CCBE1: variants seen among roughly 807,000 people sequenced by gnomAD.
The protein encoded by CCBE1 is collagen and calcium binding EGF domains 1, also known as collagen and calcium-binding EGF domain-containing protein 1.
In CCBE1, 37 loss-of-function variants were observed where a neutral mutation model predicts 50.0. The ratio of observed to expected loss-of-function variants is 0.74; its 90% CI spans 0.57 to 0.97. The LOEUF (loss-of-function observed/expected upper bound fraction) is 0.97. Ranked by LOEUF, CCBE1 falls within the 50% of genes least tolerant of loss-of-function variation. CCBE1 has a pLI of 0.00. For synonymous variants in CCBE1, 234 were observed against 203.7 expected (o/e 1.15, Z -1.27); for missense variants, 538 against 523.8 (o/e 1.03, Z -0.26).
chr18:59,615,873 G>T (rs1268290206), intron 2 of CCBE1, among the ~76,000 whole-genome samples: 1 of 152,178 alleles, frequency 6.6e-6, no homozygotes, highest in Admixed American at 6.5e-5. Context: ...TTGAAAGTAA[G>T]CAAGCACTCA....
At chr18:59,550,921 C>T (rs1310780592) in intron 2 of CCBE1, among the ~76,000 whole-genome samples, 1 of 140,472 alleles carries the variant, frequency 7.1e-6, no homozygotes, top group Non-Finnish European at 1.5e-5. Flanking sequence ...AGGAGAATGG[C>T]ATGAACCCAG....
rs12606248 is a variant in CCBE1, at chr18:59,576,868, A to G, written c.213-96630T>C. Among the ~76,000 whole-genome samples the G allele has an allele frequency of 2.0e-3, 297 of 152,284 alleles. 4 individuals carry two copies. The East Asian group carries it at 0.03, about 16-fold the overall frequency. ...TGCTGTCTTTTGAAGTGAGAATACCAGCAAGTCTGCATAGTGGGTTTTGCC... is the reference window on the plus strand; with the variant it reads ...TGCTGTCTTTTGAAGTGAGAATACCGGCAAGTCTGCATAGTGGGTTTTGCC... On this transcript the variant is annotated intron_variant, in intron 2 of 10. Coordinates refer to ENST00000439986, the MANE Select transcript of CCBE1 (RefSeq NM_133459.4).
At chr18:59,693,050 T>C (rs971365262) in intron 2 of CCBE1, among the ~76,000 whole-genome samples, 1 of 151,652 alleles carries the variant, frequency 6.6e-6, no homozygotes, top group African/African-American at 2.4e-5. Flanking sequence ...TTTTCTGTGG[T>C]GAAGGTGATG....
chr18:59,637,399 T>C (rs2053928945), intron 2 of CCBE1, among the ~76,000 whole-genome samples: 1 of 152,108 alleles, frequency 6.6e-6, no homozygotes, highest in African/African-American at 2.4e-5. Context: ...GTCTGATTTA[T>C]CCATCAATTA....
chr18:59,653,369 G>T (rs907374244), intron 2 of CCBE1, among the ~76,000 whole-genome samples: 1 of 152,178 alleles, frequency 6.6e-6, no homozygotes, highest in African/African-American at 2.4e-5. Context: ...TAAACAATCT[G>T]GTCATGCTAC....
chr18:59,513,359 G>T (rs1436880638), intron 2 of CCBE1, among the ~76,000 whole-genome samples: 1 of 152,190 alleles, frequency 6.6e-6, no homozygotes, highest in Admixed American at 6.5e-5. Flanking sequence ...CAGGTGTTGG[G>T]AAGAATTAGC....
At chr18:59,692,868 G>A (rs112477376) in intron 2 of CCBE1, among the ~76,000 whole-genome samples, 43 of 124,920 alleles carry the variant, frequency 3.4e-4, no homozygotes, top group Non-Finnish European at 6.5e-4. Context: ...CCTCCACGTG[G>A]AGTTCCATGA....
At chr18:59,650,473 A>G (rs1031841375) in intron 2 of CCBE1, among the ~76,000 whole-genome samples, 1 of 151,652 alleles carries the variant, frequency 6.6e-6, no homozygotes, top group African/African-American at 2.4e-5. Flanking sequence ...CTGGGTTCAG[A>G]AAGTCTGGCG....
At chr18:59,505,565 G>A (rs1219810354) in intron 2 of CCBE1, among the ~76,000 whole-genome samples, 1 of 152,128 alleles carries the variant, frequency 6.6e-6, no homozygotes, top group Non-Finnish European at 1.5e-5. Flanking sequence ...CAAGCAATTT[G>A]GCAAGAGAAA....
chr18:59,521,885 G>A lies in CCBE1; in HGVS notation c.213-41647C>T, dbSNP rs556706412. On this transcript the variant is annotated intron_variant, in intron 2 of 10. Coordinates refer to ENST00000439986, the MANE Select transcript of CCBE1 (RefSeq NM_133459.4). Reference sequence around the variant, plus strand: ...ACTATACTTTGGTTGGGTAAGTTTGGAAAATGTAAAGCATGAATAAATGAC... The same window carrying A: ...ACTATACTTTGGTTGGGTAAGTTTGAAAAATGTAAAGCATGAATAAATGAC... Among the ~76,000 whole-genome samples the A allele has an allele frequency of 2.6e-5, 4 of 152,282 alleles. No homozygotes were observed. The South Asian group carries it at 8.3e-4, about 32-fold the overall frequency.
intron 2 of CCBE1, among the ~76,000 whole-genome samples, chr18:59,557,794 T>G (rs755688622): frequency 6.6e-6 from 1 of 152,188 alleles, no homozygotes; most frequent in Non-Finnish European, 1.5e-5. Context: ...TCAATAAATC[T>G]ATGCTTTCGC....
chr18:59,616,783 G>A (rs907667631), intron 2 of CCBE1, among the ~76,000 whole-genome samples: 5 of 152,214 alleles, frequency 3.3e-5, no homozygotes, highest in Admixed American at 1.3e-4. Context: ...CACAATGGCC[G>A]CAATGTGGTA....
chr18:59,472,434 T>C (rs560528220), intron 3 of CCBE1, among the ~76,000 whole-genome samples: 1 of 152,390 alleles, frequency 6.6e-6, no homozygotes, highest in Non-Finnish European at 1.5e-5. Flanking sequence ...TTCAGTTTTC[T>C]ACAAATTGAT....
intron 6 of CCBE1, among the ~76,000 whole-genome samples, chr18:59,450,826 C>T (rs757683737): frequency 7.2e-5 from 11 of 152,204 alleles, no homozygotes; most frequent in Non-Finnish European, 1.0e-4. Context: ...TGAGCCACTG[C>T]GCCCGGCCTA....
Position 59,434,121 on chromosome 18 carries a change from C to A in CCBE1, c.*1787G>T, listed in dbSNP as rs1910049546. Reference sequence around the variant, plus strand: ...GTCAGGCTGGTCTCGATCTCCTGACCTTGTGATCTCCCCGCCTCAGCCTCC... The same window carrying A: ...GTCAGGCTGGTCTCGATCTCCTGACATTGTGATCTCCCCGCCTCAGCCTCC... On this transcript the variant is annotated 3_prime_UTR_variant, in exon 11 of 11. Coordinates refer to ENST00000439986, the MANE Select transcript of CCBE1 (RefSeq NM_133459.4). The A allele has an allele frequency of 6.6e-6, 1 of 152,086 alleles. No individual in the cohort carries two copies. The highest frequency in any genetic ancestry group is 1.5e-5 in the Non-Finnish European group (1 of 68,074). The allele number at this position is 152,086 out of a possible 1,614,324, so 9.4% of individuals were successfully genotyped here. A position where few individuals can be genotyped will look rare whatever the true frequency, so the allele number is the denominator to read the frequency against.
At chr18:59,441,459 G>C (rs1047686102) in intron 7 of CCBE1, among the ~76,000 whole-genome samples, 1 of 149,710 alleles carries the variant, frequency 6.7e-6, no homozygotes, top group Non-Finnish European at 1.5e-5. Context: ...AGTCCAGCCT[G>C]GGTGACAAAG....
intron 3 of CCBE1, among the ~76,000 whole-genome samples, chr18:59,474,567 C>T (rs370818629): frequency 1.0e-3 from 154 of 152,254 alleles, no homozygotes; most frequent in African/African-American, 3.3e-3. Context: ...GAGCATTTAC[C>T]GAAACCCTCC....
intron 2 of CCBE1, among the ~76,000 whole-genome samples, chr18:59,484,511 C>T (rs1598940912): frequency 6.6e-6 from 1 of 152,334 alleles, no homozygotes; most frequent in East Asian, 1.9e-4. Flanking sequence ...CCTTTATGAG[C>T]ATTTCAAGGG....
At chr18:59,692,677 G>A (rs977318655) in intron 2 of CCBE1, among the ~76,000 whole-genome samples, 2 of 152,152 alleles carry the variant, frequency 1.3e-5, no homozygotes, top group African/African-American at 4.8e-5. Flanking sequence ...ATTCTCACAA[G>A]ACTTGGCAAC....
Sources: allele counts gnomAD v4.1 joint callset (sites outside exome capture counted in the v4.1 genomes callset), GRCh38; gene constraint gnomAD v4.1.1; transcripts MANE v1.5; gene names NCBI Gene and HGNC (gene_info 2026-07-23, HGNC 2026-07-21).